SATL1: variants seen among roughly 807,000 people sequenced by gnomAD.
SATL1 encodes the protein spermidine/spermine N(1)-acetyltransferase-like protein 1.
Under a neutral mutation model 51.8 loss-of-function variants are expected in SATL1, and 47 were observed. The ratio of observed to expected loss-of-function variants is 0.91; its 90% CI spans 0.72 to 1.16. SATL1 has a LOEUF of 1.16. Among genes scored for constraint, SATL1 ranks in the 50% most tolerant of loss-of-function variants. SATL1 has a pLI of 0.00. For synonymous variants in SATL1, 176 were observed against 182.4 expected, an observed-to-expected ratio of 0.97 and a Z score of 0.28; for missense variants, 520 against 526.4, an observed-to-expected ratio of 0.99 and a Z score of 0.12.
At chrX:85,197,064 T>A (rs894062066) in intron 2 of SATL1, among the ~76,000 whole-genome samples, 2 of 111,328 alleles carry the variant, frequency 1.8e-5, no homozygotes, top group Non-Finnish European at 3.8e-5. Flanking sequence ...AGTAAGAGAG[T>A]GAGAGAAAAT....
Position 85,195,126 on chromosome X carries a change from G to T in SATL1, c.-313+29079C>A, listed in dbSNP as rs1352156550. Among the ~76,000 whole-genome samples the T allele has an allele frequency of 2.7e-5, 3 of 110,889 alleles. No homozygotes were observed. In the East Asian group the frequency reaches 8.5e-4, roughly 32 times the overall value. ...AGTATGTAGGTGGAGACATACAGTA[G>T]GTCTGCAGCTTAGGAAAAAGGCCTT... On this transcript the variant is annotated intron_variant, in intron 2 of 7. Coordinates refer to ENST00000644105, the MANE Select transcript of SATL1 (RefSeq NM_001367857.2).
chrX:85,220,464 G>T (rs985602257), intron 2 of SATL1, among the ~76,000 whole-genome samples: 1 of 106,679 alleles, frequency 9.4e-6, no homozygotes, highest in Admixed American at 1.0e-4. Flanking sequence ...TAAACTCTCC[G>T]CTGTACAGCT....
intron 2 of SATL1, among the ~76,000 whole-genome samples, chrX:85,202,644 C>T (rs1315854855): frequency 2.7e-5 from 3 of 111,979 alleles, no homozygotes; most frequent in Non-Finnish European, 5.6e-5. Context: ...TTCCTAGAGG[C>T]TTCAATCCAT....
chrX:85,177,614 A>G (rs1242863709), intron 2 of SATL1, among the ~76,000 whole-genome samples: 4 of 111,385 alleles, frequency 3.6e-5, no homozygotes, highest in African/African-American at 6.5e-5. Context: ...TATATACCCA[A>G]TTTGGGTGGT....
At chrX:85,141,757 G>T (rs1926112809) in intron 2 of SATL1, among the ~76,000 whole-genome samples, 1 of 109,627 alleles carries the variant, frequency 9.1e-6, no homozygotes, top group Non-Finnish European at 1.9e-5. Flanking sequence ...TCAGCCTCCT[G>T]TCAAAAACCA....
chrX:85,230,065 A>T (rs1329878793), intron 1 of SATL1, among the ~76,000 whole-genome samples: 1 of 111,953 alleles, frequency 8.9e-6, no homozygotes, highest in African/African-American at 3.2e-5. Context: ...ACACAAATAA[A>T]AAATACAATC....
At chrX:85,134,093 A>C (rs1037557532) in intron 2 of SATL1, among the ~76,000 whole-genome samples, 1 of 111,011 alleles carries the variant, frequency 9.0e-6, no homozygotes, top group African/African-American at 3.3e-5. Context: ...GCATATGTGA[A>C]CTCCTAATTA....
chrX:85,116,208 T>G (rs760782597), intron 2 of SATL1: 2 of 111,260 alleles, frequency 1.8e-5, no homozygotes, highest in Non-Finnish European at 3.8e-5. Flanking sequence ...GGTGAATCCA[T>G]GTGGGTCTGC....
At chrX:85,124,452 A>G (rs1199928810) in intron 2 of SATL1, among the ~76,000 whole-genome samples, 1 of 112,124 alleles carries the variant, frequency 8.9e-6, no homozygotes, top group Non-Finnish European at 1.9e-5. Flanking sequence ...TCACAGAACT[A>G]TTGTGAAGAA....
chrX:85,107,438 T>C lies in SATL1; in HGVS notation c.1531A>G (p.Arg511Gly). The C allele has an allele frequency of 8.2e-7, 1 of 1,212,283 alleles. No homozygotes were observed. The highest frequency in any genetic ancestry group is 1.1e-6 in the Non-Finnish European group (1 of 895,370). ...ATTTGGCTCACACTTGGTTGGCTCC[T>C]GCCTGGTTGACTCAGGCCTGGTTGG... is the stretch of plus-strand genomic sequence containing the variant. ...LSQPGLSQPG[R>G]SQPSVSQMGM... is the part of the protein sequence containing the mutation. Residue 511 changes from arginine to glycine, a missense_variant, in exon 3 of 8, where the codon AGG becomes GGG. Transcript: ENST00000644105.
At chrX:85,178,525 A>G (rs753961337) in intron 2 of SATL1, among the ~76,000 whole-genome samples, 16 of 108,852 alleles carry the variant, frequency 1.5e-4, no homozygotes, top group Middle Eastern at 4.7e-3. Context: ...CTGGAATTCT[A>G]GTAGTGCAAC....
chrX:85,142,395 C>CAAA (rs1212348825), intron 2 of SATL1, among the ~76,000 whole-genome samples: 1 of 43,107 alleles, frequency 2.3e-5, no homozygotes. Flanking sequence ...GACTCCATCT[C>CAAA]AAAAAAAAAA....
chrX:85,203,906 G>T (rs1352193579), intron 2 of SATL1, among the ~76,000 whole-genome samples: 1 of 112,356 alleles, frequency 8.9e-6, no homozygotes, highest in Non-Finnish European at 1.9e-5. Flanking sequence ...CAACCCCAAG[G>T]ATTCAGCCTT....
chrX:85,095,232 GCTAC>G (rs1924670893), intron 4 of SATL1, among the ~76,000 whole-genome samples: 1 of 112,172 alleles, frequency 8.9e-6, no homozygotes, highest in Non-Finnish European at 1.9e-5. Flanking sequence ...TGAGGTGGCA[GCTAC>G]CCAACACTCA....
At chrX:85,125,379 C>G in intron 2 of SATL1, among the ~76,000 whole-genome samples, 2 of 111,112 alleles carry the variant, frequency 1.8e-5, no homozygotes, top group East Asian at 5.7e-4. Flanking sequence ...ATGTGGGTAC[C>G]TTCCTTGGGA....
chrX:85,128,309 T>C (rs1012018825), intron 2 of SATL1, among the ~76,000 whole-genome samples: 23 of 111,977 alleles, frequency 2.1e-4, no homozygotes, highest in Admixed American at 1.9e-3. Flanking sequence ...CCAGCACCTG[T>C]TGTTTCCTGA....
chrX:85,184,936 TCA>T (rs1466906165), intron 2 of SATL1, among the ~76,000 whole-genome samples: 1 of 112,027 alleles, frequency 8.9e-6, no homozygotes, highest in Non-Finnish European at 1.9e-5. Flanking sequence ...ATTGCAATAT[TCA>T]CAGTCTGGGC....
chrX:85,096,288 T>C (rs1181570677), intron 4 of SATL1, among the ~76,000 whole-genome samples: 1 of 107,996 alleles, frequency 9.3e-6, no homozygotes, highest in Admixed American at 1.0e-4. Context: ...ACTGGAGGGG[T>C]TCAAAGGCAC....
At chrX:85,160,196 T>A (rs141500488) in intron 2 of SATL1, among the ~76,000 whole-genome samples, 1 of 110,628 alleles carries the variant, frequency 9.0e-6, no homozygotes, top group East Asian at 2.9e-4. Context: ...GGACAGCGAC[T>A]TTAAAGATGG....
Sources: allele counts gnomAD v4.1 joint callset (sites outside exome capture counted in the v4.1 genomes callset), GRCh38; gene constraint gnomAD v4.1.1; transcripts MANE v1.5; gene names NCBI Gene and HGNC (gene_info 2026-07-23, HGNC 2026-07-21).